The following GLRA2 variants were observed in gnomAD, a reference collection of about 807,000 sequenced individuals.
The protein encoded by GLRA2 is glycine receptor subunit alpha-2.
A neutral mutation model predicts 31.6 loss-of-function variants in GLRA2; 11 were observed. The observed-to-expected ratio is 0.35, with a 90% confidence interval of 0.22 to 0.58. The LOEUF (loss-of-function observed/expected upper bound fraction) is 0.58. Ranked by LOEUF, GLRA2 falls within the 20% of genes least tolerant of loss-of-function variation. The probability of loss-of-function intolerance (pLI) is 0.84; values close to 1 mark genes in which losing one functional copy is unlikely to be tolerated. For synonymous variants in GLRA2, 132 were observed against 134.0 expected (o/e 0.99, Z 0.10); for missense variants, 212 against 351.8 (o/e 0.60, Z 3.18).
chrX:14,519,228 G>A, the GLRA2 span, among the ~76,000 whole-genome samples: 1 of 110,572 alleles, frequency 9.0e-6, no homozygotes, highest in African/African-American at 3.3e-5. Flanking sequence ...TTCAATTAGT[G>A]GTGAACTTAA....
chrX:14,585,967 A>G (rs1911408308), intron 4 of GLRA2, among the ~76,000 whole-genome samples: 2 of 112,305 alleles, frequency 1.8e-5, no homozygotes, highest in African/African-American at 6.5e-5. Context: ...TATCAATTGC[A>G]TTTAATCTGG....
chrX:14,683,279 A>G (rs865988393), intron 7 of GLRA2, among the ~76,000 whole-genome samples: 64 of 111,438 alleles, frequency 5.7e-4, no homozygotes, highest in African/African-American at 1.6e-3. Context: ...TGTGCTTTTG[A>G]TTTGCATTTT....
the GLRA2 span, among the ~76,000 whole-genome samples, chrX:14,495,214 T>C: frequency 9.0e-6 from 1 of 111,472 alleles, no homozygotes; most frequent in Non-Finnish European, 1.9e-5. Context: ...AGTTTCTCTT[T>C]CTAGGATTGT....
intron 7 of GLRA2, among the ~76,000 whole-genome samples, chrX:14,672,084 C>T (rs2091099304): frequency 8.9e-6 from 1 of 112,185 alleles, no homozygotes; most frequent in South Asian, 3.7e-4. Flanking sequence ...CCTTTTATAT[C>T]CCAAGTGGGA....
At chrX:14,717,799 G>C (rs2091812701) in intron 8 of GLRA2, among the ~76,000 whole-genome samples, 2 of 107,940 alleles carry the variant, frequency 1.9e-5, no homozygotes, top group African/African-American at 6.7e-5. Context: ...AATTTTTTGA[G>C]CACGCATTAG....
chrX:14,578,214 A>G (rs2089977813), intron 3 of GLRA2, among the ~76,000 whole-genome samples: 1 of 111,702 alleles, frequency 9.0e-6, no homozygotes, highest in African/African-American at 3.3e-5. Flanking sequence ...CAATGATTAT[A>G]TATTTCAAGA....
intron 7 of GLRA2, among the ~76,000 whole-genome samples, chrX:14,634,542 C>T (rs759537452): frequency 2.7e-5 from 3 of 111,525 alleles, no homozygotes; most frequent in Non-Finnish European, 5.7e-5. Context: ...TCTGTTTGTT[C>T]CTCTACTAGA....
chrX:14,575,883 T>C (rs1400353660), intron 3 of GLRA2, among the ~76,000 whole-genome samples: 2 of 111,443 alleles, frequency 1.8e-5, no homozygotes, highest in African/African-American at 6.5e-5. Context: ...GGGTGAGATA[T>C]TTTCTTGGTC....
At chrX:14,461,137 A>T in the GLRA2 span, among the ~76,000 whole-genome samples, 1 of 112,237 alleles carries the variant, frequency 8.9e-6, no homozygotes, top group African/African-American at 3.2e-5. Flanking sequence ...ATTCAGGAGC[A>T]GGTTGTTCAG....
intron 8 of GLRA2, among the ~76,000 whole-genome samples, chrX:14,714,994 G>C (rs73437302): frequency 1.4e-3 from 157 of 111,756 alleles, no homozygotes; most frequent in African/African-American, 4.1e-3. Context: ...AATTTATTTG[G>C]TAAAATATTT....
At chrX:14,655,383 G>A (rs1416220204) in intron 7 of GLRA2, among the ~76,000 whole-genome samples, 1 of 111,333 alleles carries the variant, frequency 9.0e-6, no homozygotes, top group African/African-American at 3.3e-5. Context: ...GCAGTGGTGG[G>A]TTCCTGTTCT....
intron 2 of GLRA2, among the ~76,000 whole-genome samples, chrX:14,566,961 C>T (rs753642983): frequency 1.2e-3 from 133 of 111,023 alleles, no homozygotes; most frequent in Non-Finnish European, 1.7e-3. Flanking sequence ...GCTGTGTACC[C>T]TCCAGGGTAC....
chrX:14,564,385 A>G (rs1203922355), intron 2 of GLRA2, among the ~76,000 whole-genome samples: 1 of 111,333 alleles, frequency 9.0e-6, no homozygotes, highest in Non-Finnish European at 1.9e-5. Context: ...CAAATGAGGG[A>G]GAAATTAAGA....
At chrX:14,682,056 G>C (rs983795502) in intron 7 of GLRA2, among the ~76,000 whole-genome samples, 1 of 101,757 alleles carries the variant, frequency 9.8e-6, no homozygotes, top group East Asian at 3.0e-4. Flanking sequence ...GTGAGATGAG[G>C]GACATCTTCC....
intron 4 of GLRA2, among the ~76,000 whole-genome samples, chrX:14,596,943 A>G (rs1440967003): frequency 9.0e-6 from 1 of 111,562 alleles, no homozygotes; most frequent in Non-Finnish European, 1.9e-5. Flanking sequence ...TGATCAGACA[A>G]CCAGCCTAGC....
intron 3 of GLRA2, among the ~76,000 whole-genome samples, chrX:14,577,778 G>A (rs1317755790): frequency 1.8e-5 from 2 of 111,391 alleles, no homozygotes; most frequent in South Asian, 7.6e-4. Flanking sequence ...AATTTTGAGA[G>A]GACACAAACA....
At chrX:14,728,723 C>T (rs189223186) in intron 8 of GLRA2, among the ~76,000 whole-genome samples, 2 of 112,350 alleles carry the variant, frequency 1.8e-5, no homozygotes, top group Non-Finnish European at 3.8e-5. Flanking sequence ...TCTTCATTTT[C>T]AGGCTGCATG....
At chrX:14,643,204 A>G (rs889978248) in intron 7 of GLRA2, among the ~76,000 whole-genome samples, 10 of 111,830 alleles carry the variant, frequency 8.9e-5, no homozygotes, top group Non-Finnish European at 1.3e-4. Flanking sequence ...AGAGGACTCC[A>G]AGCTCCAGGT....
At chrX:14,469,837 AAATAT>A in the GLRA2 span, among the ~76,000 whole-genome samples, 1 of 110,007 alleles carries the variant, frequency 9.1e-6, no homozygotes, top group Admixed American at 9.7e-5. Context: ...CTAAAACTTA[AAATAT>A]AATAATAATT....
Sources: gnomAD v4.1 joint callset for allele counts (sites outside exome capture counted in the v4.1 genomes callset) on GRCh38, gnomAD v4.1.1 for gene constraint, MANE v1.5 for transcripts, NCBI Gene and HGNC (gene_info 2026-07-23, HGNC 2026-07-21) for gene names.